The following C9orf78 variants were observed in gnomAD, a reference collection of about 807,000 sequenced individuals.
C9orf78 encodes splicing factor C9orf78.
Under a neutral mutation model 37.4 loss-of-function variants are expected in C9orf78, and 19 were observed. The observed-to-expected ratio is 0.51, with a 90% CI of 0.35 to 0.74. C9orf78 has a LOEUF of 0.74. C9orf78 is among the 30% of genes least tolerant of loss of function. The pLI is 0.01. For missense variants in C9orf78, 291 were observed against 370.8 expected (o/e 0.78, Z 1.77); for synonymous variants, 130 against 128.0 (o/e 1.02, Z -0.10).
Position 129,830,856 on chromosome 9 carries a change from G to A in C9orf78, c.542+15C>T. The A allele has an allele frequency of 6.3e-7, 1 of 1,579,964 alleles. No homozygotes were observed. Among genetic ancestry groups the A allele is most frequent in the Non-Finnish European group, 8.7e-7 (1 of 1,148,862 alleles). On this transcript the variant is annotated intron_variant, in intron 6 of 8. Transcript: ENST00000372447. ...GGAAAGCACTGTGTCTTCTGCCTAG[G>A]GGTCTCAAACATACTCGATGCCCAG...
At chr9:129,829,002 C>A in intron 8 of C9orf78, 2 of 660,472 alleles carry the variant, frequency 3.0e-6, no homozygotes, top group African/African-American at 1.8e-5. Context: ...GTAATCCTAA[C>A]AGGTAGGTTC....
chr9:129,833,541 G>C (rs1357371971), intron 3 of C9orf78, 24 bp from the exon 4 acceptor site: 9 of 1,561,314 alleles, frequency 5.8e-6, no homozygotes, highest in Non-Finnish European at 8.0e-6. Context: ...ACACAGTTAA[G>C]AGGAAGCATC....
In C9orf78 at chr9:129,829,205, G is replaced by T; in HGVS notation, c.778C>A (p.Arg260=). 1 of 1,610,760 alleles carries T rather than the reference G, an allele frequency of 6.2e-7. No individual in the cohort carries two copies. The highest frequency in any genetic ancestry group is 8.5e-7 in the Non-Finnish European group (1 of 1,177,064). Residue 260 remains arginine (R), a splice_region_variant and synonymous_variant, in exon 8 of 9, where the codon CGG becomes AGG. Coordinates refer to ENST00000372447, the MANE Select transcript of C9orf78 (RefSeq NM_016520.3). ...VGDTEKPEPE[R]SPPNRKRPAN... ...GCCCCGAGGCCTTTGTTGCACTCAC[G>T]CTCAGGCTCTGGCTTCTCCGTGTCA... is the stretch of plus-strand genomic sequence containing the variant.
intron 5 of C9orf78, 141 bp downstream of exon 5, chr9:129,831,755 C>T: frequency 1.5e-6 from 1 of 682,766 alleles, no homozygotes; most frequent in Non-Finnish European, 2.7e-6. Context: ...TTTCAAAGTT[C>T]TTAAGCTGGG....
In C9orf78 at chr9:129,835,259, G is replaced by C; in HGVS notation, c.-38C>G. Reference sequence around the variant, plus strand: ...CGAGTTGTACAGCCGCCGCGCCTCTGCGCAGCGGCCCAGGCTGCTTCCGGC... The same window carrying C: ...CGAGTTGTACAGCCGCCGCGCCTCTCCGCAGCGGCCCAGGCTGCTTCCGGC... On this transcript the variant is annotated 5_prime_UTR_variant, in exon 1 of 9. Coordinates refer to ENST00000372447, the MANE Select transcript of C9orf78 (RefSeq NM_016520.3). 1 of 1,498,916 alleles carries C rather than the reference G, an allele frequency of 6.7e-7. No homozygotes were observed. The highest frequency in any genetic ancestry group is 9.2e-7 in the Non-Finnish European group (1 of 1,089,314). 92.9% of individuals were successfully genotyped at this position (1,498,916 alleles called of 1,614,324 possible). A position where few individuals can be genotyped will look rare whatever the true frequency, so the allele number is the denominator to read the frequency against.
At chr9:129,833,581 T>G (rs1456037733) in intron 3 of C9orf78, 64 bp from the exon 4 acceptor site, 1 of 1,460,646 alleles carries the variant, frequency 6.8e-7, no homozygotes, top group Non-Finnish European at 9.6e-7. Context: ...TTTTTTTTTT[T>G]GTGAAGCACG....
intron 6 of C9orf78, chr9:129,830,115 T>C (rs2031453012): frequency 6.6e-6 from 1 of 152,642 alleles, no homozygotes; most frequent in Non-Finnish European, 1.5e-5. Context: ...TCATTTGTAT[T>C]TGTAGGATTC....
At chr9:129,831,612 C>T (rs1289208092) in intron 5 of C9orf78, 4 of 320,312 alleles carry the variant, frequency 1.2e-5, no homozygotes, top group South Asian at 1.1e-4. Flanking sequence ...TCAGTAGGGA[C>T]GGGGTTTCTC....
At chr9:129,831,303 G>C in intron 5 of C9orf78, 3 of 535,010 alleles carry the variant, frequency 5.6e-6, no homozygotes, top group Non-Finnish European at 9.9e-6. Flanking sequence ...TTTGAAGACA[G>C]AAAGATGATA....
At position 129,829,487 on chromosome 9, in the gene C9orf78, T is replaced by C. The variant is rs1415263831; in HGVS notation, c.597A>G (p.Ala199=). ...TGTCTTTCTTCTTGTTCTGCTGCTC[T>C]GCCAGCAGACGGGCCTTGGCATCCT... is the stretch of plus-strand genomic sequence containing the variant. ...STEDAKARLL[A]EQQNKKKDSE... is the part of the protein sequence containing the mutation. Residue 199 remains alanine, a synonymous_variant, in exon 7 of 9, where the codon GCA becomes GCG. Coordinates refer to ENST00000372447, the MANE Select transcript of C9orf78 (RefSeq NM_016520.3). 1 of 1,613,186 alleles carries C rather than the reference T, an allele frequency of 6.2e-7. No homozygotes were observed. Among genetic ancestry groups the C allele is most frequent in the Non-Finnish European group, 8.5e-7 (1 of 1,179,146 alleles).
Position 129,829,255 on chromosome 9 carries a change from G to A in C9orf78, c.728C>T (p.Pro243Leu), listed in dbSNP as rs761952121. Residue 243 changes from proline (P) to leucine (L), a missense_variant, in exon 8 of 9, where the codon CCC becomes CTC. By Grantham distance (98) the Pro-to-Leu change is moderately conservative. Transcript: ENST00000372447. ...NAPIRRNKEEPKARPLRVGDT... is the reference protein window; with the variant it reads ...NAPIRRNKEELKARPLRVGDT... The stretch of plus-strand genomic sequence containing the variant: ...ACCTACTCTCAAGGGCCGGGCCTTG[G>A]GCTCTTCTTTGTTTCTCCGTATGGG... 1.2e-6 allele frequency: 2 copies of A among 1,612,812 alleles called. No individual in the cohort carries two copies. Among genetic ancestry groups the A allele is most frequent in the South Asian group, 2.2e-5 (2 of 91,020 alleles).
chr9:129,833,675 C>T lies in C9orf78; in HGVS notation c.178G>A (p.Glu60Lys). 1 of 1,611,880 alleles carries T rather than the reference C, an allele frequency of 6.2e-7. No individual in the cohort carries two copies. The highest frequency in any genetic ancestry group is 8.5e-7 in the Non-Finnish European group (1 of 1,178,432). ...TAACTTACCACTAGAGTGGTCTCCTCTTGTACCTTCTCTCCCACCAGCAAG... is the reference window on the plus strand; with the variant it reads ...TAACTTACCACTAGAGTGGTCTCCTTTTGTACCTTCTCTCCCACCAGCAAG... ...VALLVGEKVQ[E>K]ETTLVDDPFQ... Residue 60 changes from glutamate (E) to lysine (K), a missense_variant, in exon 3 of 9, where the codon GAG (glutamate) becomes AAG (lysine). Around this residue, in one of 3 missense-constraint regions of C9orf78, gnomAD observed 158 missense variants for 174.8 expected, o/e 0.90. Transcript: ENST00000372447.
At chr9:129,828,408 TG>T in intron 8 of C9orf78, 156 bp from the exon 9 acceptor site, 2 of 446,576 alleles carry the variant, frequency 4.5e-6, no homozygotes, top group Non-Finnish European at 7.6e-6. Flanking sequence ...GATACGTATT[TG>T]TCTTTTTTTT....
intron 4 of C9orf78, 82 bp from the exon 5 acceptor site, chr9:129,832,055 G>C: frequency 2.7e-6 from 2 of 729,428 alleles, no homozygotes; most frequent in Non-Finnish European, 5.0e-6. Context: ...AGAAAACAAA[G>C]ACATAAGCAT....
chr9:129,830,769 C>CA (rs1012236405), intron 6 of C9orf78, 102 bp downstream of exon 6: 27 of 825,326 alleles, frequency 3.3e-5, no homozygotes, highest in Non-Finnish European at 5.4e-5. Context: ...CTCAGCCTCC[C>CA]AAAGTGCTAG....
rs187041774 is a variant in C9orf78 at position 129,828,473 on chromosome 9, G to A, written c.779-221C>T. 4.6e-3 allele frequency: 1,756 copies of A among 378,664 alleles called. 9 individuals carry two copies. The highest frequency in any genetic ancestry group is 0.011 in the Middle Eastern group (13 of 1,166). 23.5% of individuals were successfully genotyped at this position (378,664 alleles called of 1,614,324 possible). Reference sequence around the variant, plus strand: ...GAGTCTCACCCTGTTGCCCAGGCTAGAGTGTAATGGCATGATCTCAGCTCA... The same window carrying A: ...GAGTCTCACCCTGTTGCCCAGGCTAAAGTGTAATGGCATGATCTCAGCTCA... On this transcript the variant is annotated intron_variant, in intron 8 of 8. Coordinates refer to ENST00000372447, the MANE Select transcript of C9orf78 (RefSeq NM_016520.3).
chr9:129,830,009 G>A (rs72755234), intron 6 of C9orf78: 2,037 of 153,724 alleles, frequency 0.013, 36 homozygotes, highest in South Asian at 0.061. Context: ...GCTGTAACAC[G>A]CTAAAGAACC....
At chr9:129,832,519 A>C (rs1159838929) in intron 4 of C9orf78, among the ~76,000 whole-genome samples, 2 of 149,146 alleles carry the variant, frequency 1.3e-5, no homozygotes, top group Admixed American at 1.3e-4. Context: ...GCTCACTGCA[A>C]CCTCTGCCTC....
intron 4 of C9orf78, among the ~76,000 whole-genome samples, chr9:129,832,517 C>A (rs921221620): frequency 2.0e-5 from 3 of 149,740 alleles, no homozygotes; most frequent in Admixed American, 6.6e-5. Flanking sequence ...CAGCTCACTG[C>A]AACCTCTGCC....
Sources: allele counts gnomAD v4.1 joint callset (sites outside exome capture counted in the v4.1 genomes callset), GRCh38; gene constraint gnomAD v4.1.1; regional missense constraint gnomAD v4.1.1; transcripts MANE v1.5; gene names NCBI Gene and HGNC (gene_info 2026-07-23, HGNC 2026-07-21).